RXRA: variants seen among roughly 807,000 people sequenced by gnomAD.
RXRA encodes retinoic acid receptor RXR-alpha.
In RXRA, 5 loss-of-function variants were observed where a neutral mutation model predicts 44.5. That is an observed-to-expected ratio of 0.11 (90% CI 0.06 to 0.24). The LOEUF (loss-of-function observed/expected upper bound fraction) is 0.24, where lower values mean the gene tolerates loss of function less well. Among genes scored for constraint, RXRA ranks in the 10% least tolerant of loss-of-function variants. RXRA has a pLI of 1.00. For missense variants in RXRA, 412 were observed against 646.5 expected (o/e 0.64, Z 3.93); for synonymous variants, 291 against 271.4 (o/e 1.07, Z -0.71).
At chr9:134,376,606 A>G (rs1370794416) in intron 1 of RXRA, among the ~76,000 whole-genome samples, 1 of 152,296 alleles carries the variant, frequency 6.6e-6, no homozygotes, top group African/African-American at 2.4e-5. Flanking sequence ...CTCTGTCTAT[A>G]GAAGGTGATG....
intron 1 of RXRA, among the ~76,000 whole-genome samples, chr9:134,398,598 T>C (rs1830914815): frequency 6.6e-6 from 1 of 152,096 alleles, no homozygotes; most frequent in African/African-American, 2.4e-5. Context: ...ATAATTCAGC[T>C]CCTGAGGTGC....
chr9:134,403,780 G>A (rs55741594), intron 2 of RXRA: 1 of 152,474 alleles, frequency 6.6e-6, no homozygotes, highest in Non-Finnish European at 1.5e-5. Context: ...GTAGGGACTT[G>A]TTGAAGCCAA....
At chr9:134,341,447 C>G (rs1208963778) in intron 1 of RXRA, among the ~76,000 whole-genome samples, 2 of 151,988 alleles carry the variant, frequency 1.3e-5, no homozygotes, top group African/African-American at 4.8e-5. Flanking sequence ...TGGGGAGGGG[C>G]CTTGCTTCCT....
intron 4 of RXRA, among the ~76,000 whole-genome samples, chr9:134,414,960 G>A (rs1831210682): frequency 6.6e-6 from 1 of 152,200 alleles, no homozygotes; most frequent in South Asian, 2.1e-4. Context: ...CCATGTGGGG[G>A]CTGACCGGAG....
rs1165674594 is a variant in RXRA, at chr9:134,412,470, C to T, written c.610+3351C>T. On this transcript the variant is annotated intron_variant, in intron 4 of 9. Transcript: ENST00000481739. ...TGCCCCCATGCGGTGACTCTGCCCCCGGCAAAGGCCCACTCTGGCTCTGGG... is the reference window on the plus strand; with the variant it reads ...TGCCCCCATGCGGTGACTCTGCCCCTGGCAAAGGCCCACTCTGGCTCTGGG... Among the ~76,000 whole-genome samples, 4 of 152,308 alleles carry T rather than the reference C, an allele frequency of 2.6e-5. No individual in the cohort carries two copies. The South Asian group carries it at 6.2e-4, about 24-fold the overall frequency.
chr9:134,356,384 C>T (rs1379910409), intron 1 of RXRA, among the ~76,000 whole-genome samples: 80 of 152,114 alleles, frequency 5.3e-4, no homozygotes, highest in Non-Finnish European at 2.9e-5. Context: ...GTTTAGCTCC[C>T]ACCGGGAACA....
At chr9:134,377,749 C>T (rs771235985) in intron 1 of RXRA, among the ~76,000 whole-genome samples, 69 of 152,190 alleles carry the variant, frequency 4.5e-4, no homozygotes, top group Non-Finnish European at 9.6e-4. Context: ...CGATTTCCAC[C>T]GTCTGTGTGT....
intron 2 of RXRA, 62 bp from the exon 3 acceptor site, chr9:134,408,087 G>T: frequency 7.5e-7 from 1 of 1,331,218 alleles, no homozygotes; most frequent in Non-Finnish European, 1.0e-6. Context: ...CTGCAGGGCC[G>T]TGGGGGACAT....
intron 1 of RXRA, among the ~76,000 whole-genome samples, chr9:134,364,783 G>A (rs1190121594): frequency 1.3e-5 from 2 of 152,232 alleles, no homozygotes; most frequent in Non-Finnish European, 2.9e-5. Flanking sequence ...TGCCCAGCCT[G>A]CCCCTGCTGA....
At chr9:134,363,257 G>A (rs1007285048) in intron 1 of RXRA, among the ~76,000 whole-genome samples, 15 of 152,182 alleles carry the variant, frequency 9.9e-5, no homozygotes, top group East Asian at 3.9e-4. Context: ...TGGGGGCCTC[G>A]TTGCTCTGTC....
intron 4 of RXRA, among the ~76,000 whole-genome samples, chr9:134,409,482 C>A (rs1831112981): frequency 1.3e-5 from 2 of 152,232 alleles, no homozygotes; most frequent in South Asian, 2.1e-4. Context: ...CTCTGTGGCA[C>A]CCCGCAGGGC....
At chr9:134,422,628 A>G (rs1245453863) in intron 6 of RXRA, 375 of 885,466 alleles carry the variant, frequency 4.2e-4, no homozygotes, top group Non-Finnish European at 4.5e-4. Flanking sequence ...CTCCCGGGAC[A>G]CTCCCCTCTC....
At chr9:134,414,753 G>C (rs1248935703) in intron 4 of RXRA, among the ~76,000 whole-genome samples, 1 of 152,216 alleles carries the variant, frequency 6.6e-6, no homozygotes, top group Non-Finnish European at 1.5e-5. Flanking sequence ...AGGGTCTCAG[G>C]GACCTGGGCC....
chr9:134,394,545 G>A (rs554799761), intron 1 of RXRA, among the ~76,000 whole-genome samples: 14 of 152,262 alleles, frequency 9.2e-5, no homozygotes, highest in South Asian at 6.2e-4. Flanking sequence ...GGCAGCTCGC[G>A]GAGGTCTCTG....
At chr9:134,432,134 C>T in intron 8 of RXRA, 138 bp downstream of exon 8, 6 of 639,894 alleles carry the variant, frequency 9.4e-6, no homozygotes, top group South Asian at 9.1e-5. Context: ...AGTGTGCCCC[C>T]CTCCCAGTGA....
intron 4 of RXRA, among the ~76,000 whole-genome samples, chr9:134,415,123 G>A (rs1041936103): frequency 2.0e-5 from 3 of 152,260 alleles, no homozygotes; most frequent in African/African-American, 7.2e-5. Flanking sequence ...GGTGTATCCT[G>A]AAGCTGGGGA....
intron 6 of RXRA, among the ~76,000 whole-genome samples, chr9:134,428,168 C>T (rs145992463): frequency 2.0e-5 from 3 of 151,724 alleles, no homozygotes; most frequent in African/African-American, 7.3e-5. Context: ...CTGTCTGCCC[C>T]CCAGGGAACC....
chr9:134,365,458 A>T lies in RXRA; in HGVS notation c.29-36174A>T, dbSNP rs957599692. 2.6e-5 allele frequency among the ~76,000 whole-genome samples: 4 copies of T among 151,936 alleles called. No individual in the cohort carries two copies. The highest frequency in any genetic ancestry group is 9.7e-5 in the African/African-American group (4 of 41,334). On this transcript the variant is annotated intron_variant, in intron 1 of 9. Coordinates refer to ENST00000481739, the MANE Select transcript of RXRA (RefSeq NM_002957.6). This position sits in a 1 kb window ranked among gnomAD's most constrained non-coding sequence, Gnocchi z 4.0. ...GTGTGAGACCCGGTGTTCTTGGCTG[A>T]TGTGTGGGTTTGCTCATGGGGTGGA...
chr9:134,388,299 G>GTGAGTGTC (rs1830751562), intron 1 of RXRA, among the ~76,000 whole-genome samples: 4 of 152,216 alleles, frequency 2.6e-5, no homozygotes, highest in Non-Finnish European at 5.9e-5. Flanking sequence ...GTGTGAGTGT[G>GTGAGTGTC]TATGTGCATT....
Sources: allele counts gnomAD v4.1 joint callset (sites outside exome capture counted in the v4.1 genomes callset), GRCh38; gene constraint gnomAD v4.1.1; non-coding constraint Gnocchi (gnomAD v3.1); transcripts MANE v1.5; gene names NCBI Gene and HGNC (gene_info 2026-07-23, HGNC 2026-07-21).